The following RARB variants were observed in gnomAD, a reference collection of about 807,000 sequenced individuals.
The protein encoded by RARB is retinoic acid receptor beta.
RARB carries 17 observed loss-of-function variants against 51.9 expected under a neutral mutation model. The ratio of observed to expected loss-of-function variants is 0.33; its 90% confidence interval spans 0.22 to 0.49. The LOEUF (loss-of-function observed/expected upper bound fraction) is 0.49, where lower values mean the gene tolerates loss of function less well. Among genes scored for constraint, RARB ranks in the 20% least tolerant of loss-of-function variants. The pLI, the probability that RARB is intolerant of heterozygous loss-of-function variation, is 0.99. For synonymous variants in RARB, 215 were observed against 195.4 expected, an observed-to-expected ratio of 1.10 and a Z score of -0.84; for missense variants, 369 against 550.8, an observed-to-expected ratio of 0.67 and a Z score of 3.30.
intron 1 of RARB, among the ~76,000 whole-genome samples, chr3:25,460,428 T>TTTATTTATTTATTTATTTATTTA (rs369452418): frequency 6.9e-6 from 1 of 145,582 alleles, no homozygotes; most frequent in African/African-American, 2.5e-5. Context: ...ATTTTAAAAT[T>TTTATTTATTTATTTATTTATTTA]TTTATTTATT....
intron 2 of RARB, among the ~76,000 whole-genome samples, chr3:25,046,527 C>T (rs1176286973): frequency 6.6e-6 from 1 of 152,116 alleles, no homozygotes; most frequent in Non-Finnish European, 1.5e-5. Flanking sequence ...GATCTTGGCT[C>T]ACTGCAGCCT....
At chr3:25,370,220 T>C (rs1706257259) in intron 5 of RARB, among the ~76,000 whole-genome samples, 1 of 152,234 alleles carries the variant, frequency 6.6e-6, no homozygotes, top group African/African-American at 2.4e-5. Context: ...AGGAGCACTT[T>C]ACCTTTATAA....
chr3:25,361,535 T>C (rs528846584), intron 5 of RARB, among the ~76,000 whole-genome samples: 1 of 152,112 alleles, frequency 6.6e-6, no homozygotes, highest in Non-Finnish European at 1.5e-5. Context: ...TGCCAAGGAG[T>C]TGTGATCCTT....
chr3:24,863,323 C>T (rs1163814174), intron 2 of RARB, among the ~76,000 whole-genome samples: 6 of 152,156 alleles, frequency 3.9e-5, no homozygotes, highest in Non-Finnish European at 8.8e-5. Flanking sequence ...CAGAGGAATT[C>T]ATGTGAGCTT....
At chr3:24,933,313 TTGAAAAA>T (rs147609084) in intron 2 of RARB, among the ~76,000 whole-genome samples, 174 of 152,242 alleles carry the variant, frequency 1.1e-3, no homozygotes, top group African/African-American at 4.0e-3. Context: ...ATGAAAATAC[TTGAAAAA>T]TGAATTTATT....
chr3:25,041,846 T>C (rs1698120649), intron 2 of RARB, among the ~76,000 whole-genome samples: 2 of 152,152 alleles, frequency 1.3e-5, no homozygotes, highest in Admixed American at 6.5e-5. Flanking sequence ...ATTTTATTAA[T>C]TCAGAATTAA....
At chr3:24,968,140 C>T (rs1217045418) in intron 2 of RARB, among the ~76,000 whole-genome samples, 2 of 152,152 alleles carry the variant, frequency 1.3e-5, no homozygotes, top group Non-Finnish European at 2.9e-5. Flanking sequence ...AAATAACCAT[C>T]TACTTGAGGG....
chr3:25,282,733 G>A (rs1030705361), intron 5 of RARB, among the ~76,000 whole-genome samples: 5 of 152,134 alleles, frequency 3.3e-5, no homozygotes, highest in Admixed American at 2.6e-4. Context: ...CCATAACTGT[G>A]ATCCATCATT....
chr3:25,373,251 A>G (rs1706357235), intron 5 of RARB, among the ~76,000 whole-genome samples: 1 of 152,170 alleles, frequency 6.6e-6, no homozygotes, highest in South Asian at 2.1e-4. Flanking sequence ...AGATGAGTGA[A>G]GATGAGATTT....
At chr3:25,328,489 C>G (rs919317710) in intron 5 of RARB, among the ~76,000 whole-genome samples, 1 of 152,230 alleles carries the variant, frequency 6.6e-6, no homozygotes, top group African/African-American at 2.4e-5. Flanking sequence ...CACTGCACTC[C>G]AGCTTGGGCA....
rs552167830 is a variant in RARB, at chr3:25,589,849, C to T, written c.787-3654C>T. 7.2e-5 allele frequency among the ~76,000 whole-genome samples: 11 copies of T among 152,312 alleles called. No individual in the cohort carries two copies. The East Asian group carries it at 7.7e-4, about 11-fold the overall frequency. On this transcript the variant is annotated intron_variant, in intron 5 of 7. Transcript: ENST00000330688. ...TACCCATCTCGTGGGGCCTGCATGC[C>T]GGTCTTTCCAGATAAGATGCCTTCC...
chr3:25,273,065 A>G (rs530171247), intron 5 of RARB, among the ~76,000 whole-genome samples: 52 of 152,198 alleles, frequency 3.4e-4, no homozygotes, highest in Non-Finnish European at 6.5e-4. Flanking sequence ...GTCTGCAAGC[A>G]CATAGATAGC....
At chr3:24,953,793 A>T (rs1695950505) in intron 2 of RARB, among the ~76,000 whole-genome samples, 1 of 152,088 alleles carries the variant, frequency 6.6e-6, no homozygotes, top group South Asian at 2.1e-4. Context: ...GCTTTTTCTT[A>T]TCACATTTAT....
intron 2 of RARB, among the ~76,000 whole-genome samples, chr3:25,475,297 T>C (rs745609482): frequency 6.6e-6 from 1 of 152,002 alleles, no homozygotes; most frequent in Non-Finnish European, 1.5e-5. Flanking sequence ...ACGTACACTA[T>C]CAGAAATATG....
At chr3:25,075,714 T>C (rs2125310523) in intron 3 of RARB, among the ~76,000 whole-genome samples, 1 of 152,058 alleles carries the variant, frequency 6.6e-6, no homozygotes, top group African/African-American at 2.4e-5. Flanking sequence ...GACTATGACA[T>C]TTGTTGGAGA....
chr3:25,000,160 A>G (rs1238921571), intron 2 of RARB, among the ~76,000 whole-genome samples: 3 of 152,144 alleles, frequency 2.0e-5, no homozygotes, highest in Non-Finnish European at 2.9e-5. Flanking sequence ...GGTGTCCACT[A>G]CAAATTTCTA....
intron 5 of RARB, among the ~76,000 whole-genome samples, chr3:25,289,652 G>A (rs1250613311): frequency 4.6e-5 from 7 of 152,194 alleles, no homozygotes; most frequent in East Asian, 1.9e-4. Context: ...TTTCTTCCTC[G>A]TAGTTACTTA....
chr3:25,511,853 C>A lies in RARB; in HGVS notation c.448+10530C>A, dbSNP rs149026840. On this transcript the variant is annotated intron_variant, in intron 3 of 7. Transcript: ENST00000330688. ...CTTTTTTGCATCCTCAAGGTTTAGA[C>A]CTTTCCTGATAAAACAAGGGGTCAA... Among the ~76,000 whole-genome samples, 624 of 152,270 alleles carry A rather than the reference C, an allele frequency of 4.1e-3. 3 individuals are homozygous for A. The highest frequency in any genetic ancestry group is 0.014 in the African/African-American group (590 of 41,558).
chr3:24,853,290 C>T (rs960538470), intron 1 of RARB, among the ~76,000 whole-genome samples: 1 of 152,050 alleles, frequency 6.6e-6, no homozygotes, highest in African/African-American at 2.4e-5. Context: ...GCACTCCAGC[C>T]TGGGTGACAG....
Sources: allele counts gnomAD v4.1 joint callset (sites outside exome capture counted in the v4.1 genomes callset), GRCh38; gene constraint gnomAD v4.1.1; transcripts MANE v1.5; gene names NCBI Gene and HGNC (gene_info 2026-07-23, HGNC 2026-07-21).